GRAMD1B: variants seen among roughly 807,000 people sequenced by gnomAD.
GRAMD1B encodes GRAM domain containing 1B.
Under a neutral mutation model 99.7 loss-of-function variants are expected in GRAMD1B, and 37 were observed. The observed-to-expected ratio is 0.37, with a 90% CI of 0.29 to 0.49. GRAMD1B has a LOEUF of 0.49. Among genes scored for constraint, GRAMD1B ranks in the 20% least tolerant of loss-of-function variants. The pLI, the probability that GRAMD1B is intolerant of heterozygous loss-of-function variation, is 0.98. For synonymous variants in GRAMD1B, 427 were observed against 387.6 expected (o/e 1.10, Z -1.19); for missense variants, 888 against 1,009.2 (o/e 0.88, Z 1.63).
At chr11:123,602,247 G>T (rs1263298681) in intron 8 of GRAMD1B, among the ~76,000 whole-genome samples, 3 of 152,116 alleles carry the variant, frequency 2.0e-5, no homozygotes, top group Non-Finnish European at 4.4e-5. Flanking sequence ...ATTGTACTCT[G>T]CCAGCTGCCT....
At chr11:123,421,099 C>T (rs188375936) in intron 1 of GRAMD1B, among the ~76,000 whole-genome samples, 1 of 152,282 alleles carries the variant, frequency 6.6e-6, no homozygotes, top group African/African-American at 2.4e-5. Flanking sequence ...GATGTTCTTG[C>T]AAAGTTGTAT....
intron 2 of GRAMD1B, among the ~76,000 whole-genome samples, chr11:123,501,113 G>C (rs1241402987): frequency 6.6e-6 from 1 of 152,098 alleles, no homozygotes; most frequent in East Asian, 1.9e-4. Flanking sequence ...CAAGCTTGTT[G>C]GTAGCATAGG....
Position 123,597,973 on chromosome 11 carries a change from A to G in GRAMD1B, c.969+1936A>G, listed in dbSNP as rs878868881. ...GCAGTCCTTGTTTTTTCAGATCCTC[A>G]TATGTCTTCTTATTCACAGCATTCC... On this transcript the variant is annotated intron_variant, in intron 7 of 19. Transcript: ENST00000635736. The G allele has an allele frequency of 5.8e-6, 7 of 1,202,694 alleles. No individual in the cohort carries two copies. The South Asian group carries it at 6.0e-5, about 10-fold the overall frequency. The allele number at this position is 1,202,694 out of a possible 1,614,324, so 74.5% of individuals were successfully genotyped here.
At chr11:123,400,590 C>T (rs576853090) in intron 1 of GRAMD1B, among the ~76,000 whole-genome samples, 2 of 152,238 alleles carry the variant, frequency 1.3e-5, no homozygotes, top group East Asian at 3.9e-4. Flanking sequence ...TGTTTCCTCA[C>T]CATCTTCTTG....
In GRAMD1B at chr11:123,431,095, C is replaced by A. The variant is rs1415337879; in HGVS notation, c.303C>A (p.Ser101=). The A allele has an allele frequency of 1.4e-6, 1 of 703,048 alleles. No homozygotes were observed. Among genetic ancestry groups the A allele is most frequent in the Non-Finnish European group, 2.6e-6 (1 of 385,000 alleles). The allele number at this position is 703,048 out of a possible 1,614,324, so 43.6% of individuals were successfully genotyped here. Residue 101 remains serine (S), a synonymous_variant, in exon 1 of 20, where the codon TCC becomes TCA. Coordinates refer to ENST00000635736, the MANE Select transcript of GRAMD1B (RefSeq NM_001387025.1). Reference sequence around the variant, plus strand: ...CCAACTGCTCCACACCCAGCGCGTCCCCGCGCCGAAAACGCTTCCTCCTCC... The same window carrying A: ...CCAACTGCTCCACACCCAGCGCGTCACCGCGCCGAAAACGCTTCCTCCTCC... ...PWSNCSTPSA[S]PRRKRFLLRK...
chr11:123,377,793 G>A (rs1946739273), intron 1 of GRAMD1B, among the ~76,000 whole-genome samples: 1 of 152,204 alleles, frequency 6.6e-6, no homozygotes, highest in Non-Finnish European at 1.5e-5. Context: ...CTAGGAACTT[G>A]AGGAGAAAGA....
rs752714373 is a variant in GRAMD1B at position 123,510,584 on chromosome 11, G to T, written c.452+29691G>T. 2.6e-5 allele frequency among the ~76,000 whole-genome samples: 4 copies of T among 152,200 alleles called. No homozygotes were observed. The highest frequency in any genetic ancestry group is 7.2e-5 in the African/African-American group (3 of 41,458). Reference sequence around the variant, plus strand: ...ATTTTCCCCAGCCTTCCAGAGGGGTGGTTTGTTCTCCGTGGGTGGACGTTT... The same window carrying T: ...ATTTTCCCCAGCCTTCCAGAGGGGTTGTTTGTTCTCCGTGGGTGGACGTTT... On this transcript the variant is annotated intron_variant, in intron 2 of 19. Transcript: ENST00000635736. The surrounding 1 kb of genome is among the most constrained non-coding windows in gnomAD (Gnocchi z 4.3).
chr11:123,615,822 G>A (rs1446086869), intron 17 of GRAMD1B, among the ~76,000 whole-genome samples: 1 of 152,142 alleles, frequency 6.6e-6, no homozygotes, highest in Admixed American at 6.5e-5. Context: ...TTACAGCCTT[G>A]GTGTGAATGA....
chr11:123,461,417 C>A (rs972957290), intron 1 of GRAMD1B, among the ~76,000 whole-genome samples: 1 of 152,214 alleles, frequency 6.6e-6, no homozygotes, highest in African/African-American at 2.4e-5. Context: ...TGGTGCTGGC[C>A]TCTCTGGTTC....
chr11:123,375,286 G>T (rs1946654556), intron 1 of GRAMD1B, among the ~76,000 whole-genome samples: 1 of 152,108 alleles, frequency 6.6e-6, no homozygotes, highest in Non-Finnish European at 1.5e-5. Context: ...CAACCAGCGT[G>T]GTGGCTCACA....
chr11:123,445,830 A>G (rs1949615145), intron 1 of GRAMD1B, among the ~76,000 whole-genome samples: 1 of 151,322 alleles, frequency 6.6e-6, no homozygotes, highest in South Asian at 2.1e-4. Context: ...AAAAAAAAAA[A>G]AAAAAAAACA....
At position 123,579,272 on chromosome 11, in the gene GRAMD1B, G is replaced by C. The variant is rs181386533; in HGVS notation, c.663+1695G>C. 2.2e-3 allele frequency among the ~76,000 whole-genome samples: 341 copies of C among 152,360 alleles called. 9 individuals are homozygous for C. Among genetic ancestry groups the C allele is most frequent in the Admixed American group, 0.022 (338 of 15,310 alleles). ...GCAAGGAGGTGGGATGCAGCCCGAA[G>C]AAGGGGAAGCCGAGGATGACTTAAT... On this transcript the variant is annotated intron_variant, in intron 3 of 19. Coordinates refer to ENST00000635736, the MANE Select transcript of GRAMD1B (RefSeq NM_001387025.1).
At position 123,564,796 on chromosome 11, in the gene GRAMD1B, G is replaced by A. The variant is rs184522090; in HGVS notation, c.453-12571G>A. 3.3e-3 allele frequency among the ~76,000 whole-genome samples: 504 copies of A among 152,304 alleles called. 4 individuals are homozygous for A. Among genetic ancestry groups the A allele is most frequent in the Non-Finnish European group, 2.0e-3 (139 of 68,020 alleles). ...TCCTTGATGAGCAAACACAGGAGAA[G>A]CTGGAAGTTCTATTCAGTTGAACTC... On this transcript the variant is annotated intron_variant, in intron 2 of 19. Transcript: ENST00000635736.
In GRAMD1B at chr11:123,591,562, C is replaced by G. The variant is rs192698271; in HGVS notation, c.685-2520C>G. On this transcript the variant is annotated intron_variant, in intron 4 of 19. Coordinates refer to ENST00000635736, the MANE Select transcript of GRAMD1B (RefSeq NM_001387025.1). The surrounding 1 kb of genome is among the most constrained non-coding windows in gnomAD (Gnocchi z 4.7). ...CAGCCGTGAGTGTGTGACTCAGTTT[C>G]TCTGAGTCTCTGTGGTAGTTCTGCA... The G allele has an allele frequency of 2.3e-4, 91 of 398,740 alleles. No homozygotes were observed. The highest frequency in any genetic ancestry group is 6.6e-4 in the Admixed American group (15 of 22,730). 24.7% of individuals were successfully genotyped at this position (398,740 alleles called of 1,614,324 possible). A position where few individuals can be genotyped will look rare whatever the true frequency, so the allele number is the denominator to read the frequency against.
chr11:123,440,689 A>T (rs1772048128), intron 1 of GRAMD1B, among the ~76,000 whole-genome samples: 1 of 152,116 alleles, frequency 6.6e-6, no homozygotes, highest in Non-Finnish European at 1.5e-5. Context: ...TAAAGAAAAG[A>T]AGTTTATTTG....
chr11:123,530,642 A>G (rs944483720), intron 2 of GRAMD1B, among the ~76,000 whole-genome samples: 5 of 152,166 alleles, frequency 3.3e-5, no homozygotes, highest in Non-Finnish European at 7.4e-5. Flanking sequence ...TGGCCTCCCA[A>G]AGTGCTGGGA....
intron 1 of GRAMD1B, among the ~76,000 whole-genome samples, chr11:123,405,969 C>T (rs1430731982): frequency 6.6e-6 from 1 of 151,228 alleles, no homozygotes; most frequent in Non-Finnish European, 1.5e-5. Flanking sequence ...TACTGGGTTA[C>T]ATCGTGCTTC....
At chr11:123,542,339 A>G (rs943635195) in intron 2 of GRAMD1B, among the ~76,000 whole-genome samples, 1 of 152,238 alleles carries the variant, frequency 6.6e-6, no homozygotes, top group Non-Finnish European at 1.5e-5. Context: ...GCCAGTTACA[A>G]GGTCCCATAG....
chr11:123,516,544 G>A (rs1413797157), intron 2 of GRAMD1B, among the ~76,000 whole-genome samples: 1 of 152,130 alleles, frequency 6.6e-6, no homozygotes, highest in Non-Finnish European at 1.5e-5. Context: ...CTCCATAAAG[G>A]ATGATGACAA....
Sources: gnomAD v4.1 joint callset for allele counts (sites outside exome capture counted in the v4.1 genomes callset) on GRCh38, gnomAD v4.1.1 for gene constraint, Gnocchi (gnomAD v3.1) non-coding constraint, MANE v1.5 for transcripts, NCBI Gene and HGNC (gene_info 2026-07-23, HGNC 2026-07-21) for gene names.